PRKCSH: variants seen among roughly 807,000 people sequenced by gnomAD.
PRKCSH encodes the protein PRKCSH beta subunit of glucosidase II.
A neutral mutation model predicts 79.7 loss-of-function variants in PRKCSH; 42 were observed. The observed-to-expected ratio is 0.53, with a 90% CI of 0.41 to 0.68. PRKCSH has a LOEUF of 0.68. PRKCSH is among the 30% of genes least tolerant of loss of function. The pLI, the probability that PRKCSH is intolerant of heterozygous loss-of-function variation, is 0.00. For synonymous variants in PRKCSH, 325 were observed against 288.2 expected (o/e 1.13, Z -1.29); for missense variants, 686 against 709.0 (o/e 0.97, Z 0.37).
In PRKCSH at chr19:11,447,536, AGG is replaced by A; in HGVS notation, c.948_949del (p.Glu317GlyfsTer10). The A allele has an allele frequency of 4.4e-6, 7 of 1,591,472 alleles. No homozygotes were observed. The highest frequency in any genetic ancestry group is 1.1e-5 in the South Asian group (1 of 88,974). The stretch of plus-strand genomic sequence containing the variant: ...CCCTCGTCGCCCACAGAGGAGGAGG[AGG>A]AGGAGGAGGAGGAGGAGGAAGAAGA... On this transcript the variant is annotated frameshift_variant, in exon 11 of 18. Coordinates refer to ENST00000677123, the MANE Select transcript of PRKCSH (RefSeq NM_001289104.2). LOFTEE classifies it high-confidence loss of function. The surrounding 1 kb of genome is among the most constrained non-coding windows in gnomAD (Gnocchi z 5.6).
chr19:11,441,243 G>A lies in PRKCSH; in HGVS notation c.354G>A (p.Glu118=), dbSNP rs761941845. The A allele has an allele frequency of 1.2e-6, 2 of 1,613,930 alleles. No homozygotes were observed. Among genetic ancestry groups the A allele is most frequent in the Non-Finnish European group, 1.7e-6 (2 of 1,179,946 alleles). ...SGVICENTCK[E]KGRKERESLQ... ...CCTGTGTGTCTCCGCACCGCAGAGA[G>A]AAGGGCCGTAAGGAGAGAGAGTCCC... The change falls in exon 6 of 18, where the codon GAG becomes GAA. Residue 118 remains glutamate (E), a synonymous_variant. Coordinates refer to ENST00000677123, the MANE Select transcript of PRKCSH (RefSeq NM_001289104.2).
rs1970394331 is a variant in PRKCSH at position 11,447,843 on chromosome 19, G to A, written c.1126+54G>A. The A allele has an allele frequency of 4.0e-6, 6 of 1,494,102 alleles. No individual in the cohort carries two copies. The highest frequency in any genetic ancestry group is 5.4e-6 in the Non-Finnish European group (6 of 1,112,054). The allele number at this position is 1,494,102 out of a possible 1,614,324, so 92.6% of individuals were successfully genotyped here. On this transcript the variant is annotated intron_variant, in intron 12 of 17. Coordinates refer to ENST00000677123, the MANE Select transcript of PRKCSH (RefSeq NM_001289104.2). The surrounding 1 kb of genome is among the most constrained non-coding windows in gnomAD (Gnocchi z 5.6). ...GGGTGGGCCCAGCGTTTCCTGCCGT[G>A]GTGGCACAGGTCGAGGGAAGATCCT...
intron 5 of PRKCSH, 36 bp downstream of exon 5, chr19:11,438,160 C>A: frequency 6.2e-7 from 1 of 1,610,466 alleles, no homozygotes; most frequent in East Asian, 2.2e-5. Flanking sequence ...ATCACCCCAC[C>A]CCAAGACTTT....
intron 6 of PRKCSH, 35 bp from the exon 7 acceptor site, chr19:11,442,349 CAG>C: frequency 6.4e-7 from 1 of 1,557,902 alleles, no homozygotes; most frequent in Non-Finnish European, 8.7e-7. Context: ...GGAGGCAGAA[CAG>C]AGGAGAGCTG....
intron 2 of PRKCSH, 51 bp downstream of exon 2, chr19:11,436,247 C>T (rs1426581441): frequency 6.2e-7 from 1 of 1,601,222 alleles, no homozygotes; most frequent in Non-Finnish European, 8.5e-7. Context: ...GAGGGGCCAA[C>T]ATTGGGCCTT....
intron 5 of PRKCSH, among the ~76,000 whole-genome samples, chr19:11,439,178 C>A (rs1969926993): frequency 6.6e-6 from 1 of 152,098 alleles, no homozygotes; most frequent in Non-Finnish European, 1.5e-5. Context: ...AAGTGCTAAG[C>A]CGCCGCGCTT....
In PRKCSH at chr19:11,448,435, G is replaced by A; in HGVS notation, c.1197-105G>A. On this transcript the variant is annotated intron_variant, in intron 13 of 17. Coordinates refer to ENST00000677123, the MANE Select transcript of PRKCSH (RefSeq NM_001289104.2). The surrounding 1 kb of genome is among the most constrained non-coding windows in gnomAD (Gnocchi z 4.4). ...AGGGTCCCTGGGAGGTGGCAGGGAG[G>A]ACAGCCTGGGCACCATTGCTCAGCC... 1 of 1,452,582 alleles carries A rather than the reference G, an allele frequency of 6.9e-7. No individual in the cohort carries two copies. Among genetic ancestry groups the A allele is most frequent in the Non-Finnish European group, 9.6e-7 (1 of 1,040,032 alleles). The allele number at this position is 1,452,582 out of a possible 1,614,324, so 90.0% of individuals were successfully genotyped here.
chr19:11,444,568 G>A (rs1202542587), intron 7 of PRKCSH, among the ~76,000 whole-genome samples: 2 of 152,186 alleles, frequency 1.3e-5, no homozygotes, highest in Non-Finnish European at 2.9e-5. Context: ...TATTCTGTTT[G>A]TAGAGGACCA....
At position 11,447,152 on chromosome 19, in the gene PRKCSH, CGGTCCGAGG is replaced by C; in HGVS notation, c.842_849+1del. On this transcript the variant is annotated splice_donor_variant and coding_sequence_variant, in exon 10 of 18. Coordinates refer to ENST00000677123, the MANE Select transcript of PRKCSH (RefSeq NM_001289104.2). LOFTEE classifies it high-confidence loss of function. This position sits in a 1 kb window ranked among gnomAD's most constrained non-coding sequence, Gnocchi z 5.6. ...CTGGGCCGCCATCAGGGACAAGTAC[CGGTCCGAGG>C]TCAGTGGAGGAGAAGGGAGGGGACT... 1 of 1,613,924 alleles carries C rather than the reference CGGTCCGAGG, an allele frequency of 6.2e-7. No homozygotes were observed. Among genetic ancestry groups the C allele is most frequent in the Non-Finnish European group, 8.5e-7 (1 of 1,179,836 alleles).
intron 2 of PRKCSH, 64 bp downstream of exon 2, chr19:11,436,260 G>A: frequency 6.3e-7 from 1 of 1,597,498 alleles, no homozygotes; most frequent in Non-Finnish European, 8.6e-7. Context: ...TGGGCCTTAG[G>A]GATAGGCATT....
At position 11,447,036 on chromosome 19, in the gene PRKCSH, G is replaced by T. The variant is rs960765118; in HGVS notation, c.763-38G>T. On this transcript the variant is annotated intron_variant, in intron 9 of 17. Transcript: ENST00000677123. The surrounding 1 kb of genome is among the most constrained non-coding windows in gnomAD (Gnocchi z 5.6). Reference sequence around the variant, plus strand: ...GGGGTGGCCGAGATGGGGGACACGTGGTGGCCTAGATCTTGACACCACCCC... The same window carrying T: ...GGGGTGGCCGAGATGGGGGACACGTTGTGGCCTAGATCTTGACACCACCCC... The T allele has an allele frequency of 1.2e-6, 2 of 1,601,340 alleles. No homozygotes were observed.
intron 3 of PRKCSH, among the ~76,000 whole-genome samples, chr19:11,437,384 T>G (rs1969819384): frequency 1.5e-5 from 2 of 134,944 alleles, no homozygotes; most frequent in Admixed American, 7.6e-5. Flanking sequence ...GGAGTTTCAC[T>G]CTTATCGCCC....
rs376099064 is a variant in PRKCSH, at chr19:11,438,969, G to A, written c.350+845G>A. Among the ~76,000 whole-genome samples, 39 of 151,778 alleles carry A rather than the reference G, an allele frequency of 2.6e-4. No homozygotes were observed. In the South Asian group the frequency reaches 7.7e-3, roughly 30 times the overall value. On this transcript the variant is annotated intron_variant, in intron 5 of 17. Coordinates refer to ENST00000677123, the MANE Select transcript of PRKCSH (RefSeq NM_001289104.2). Reference sequence around the variant, plus strand: ...GTCGCCCAGGCTGGAGTGCAGTGGCGTGATCTTGGCTCACTGCAACCTCTG... The same window carrying A: ...GTCGCCCAGGCTGGAGTGCAGTGGCATGATCTTGGCTCACTGCAACCTCTG...
Position 11,442,400 on chromosome 19 carries a change from G to A in PRKCSH, c.483G>A (p.Glu161=). The A allele has an allele frequency of 1.2e-6, 2 of 1,605,726 alleles. No individual in the cohort carries two copies. The highest frequency in any genetic ancestry group is 1.7e-6 in the Non-Finnish European group (2 of 1,176,130). The change falls in exon 7 of 18, where the codon GAG becomes GAA. Residue 161 remains glutamate (E), a synonymous_variant. Coordinates refer to ENST00000677123, the MANE Select transcript of PRKCSH (RefSeq NM_001289104.2). ...AREEKQKKLI[E]LQAGKKSLED... is the part of the protein sequence containing the mutation. ...TGCCCACCCAGAAAAAGCTCATTGA[G>A]CTACAGGCTGGGAAGAAGTCTCTGG... is the stretch of plus-strand genomic sequence containing the variant.
At position 11,447,974 on chromosome 19, in the gene PRKCSH, G is replaced by T; in HGVS notation, c.1126+185G>T. On this transcript the variant is annotated intron_variant, in intron 12 of 17. Transcript: ENST00000677123. This position sits in a 1 kb window ranked among gnomAD's most constrained non-coding sequence, Gnocchi z 5.6. ...GTCCCACCCTCGCCAGCCCCAAGGGGCCCTTCTGCCTCCCCAAGGGCCGCA... is the reference window on the plus strand; with the variant it reads ...GTCCCACCCTCGCCAGCCCCAAGGGTCCCTTCTGCCTCCCCAAGGGCCGCA... The T allele has an allele frequency of 1.3e-6, 1 of 790,644 alleles. No homozygotes were observed. The highest frequency in any genetic ancestry group is 2.0e-6 in the Non-Finnish European group (1 of 504,510). 49.0% of individuals were successfully genotyped at this position (790,644 alleles called of 1,614,324 possible).
chr19:11,448,327 C>T lies in PRKCSH; in HGVS notation c.1196+36C>T, dbSNP rs1236351358. The T allele has an allele frequency of 6.4e-7, 1 of 1,558,796 alleles. No individual in the cohort carries two copies. The highest frequency in any genetic ancestry group is 8.7e-7 in the Non-Finnish European group (1 of 1,150,476). On this transcript the variant is annotated intron_variant, in intron 13 of 17. Coordinates refer to ENST00000677123, the MANE Select transcript of PRKCSH (RefSeq NM_001289104.2). This position sits in a 1 kb window ranked among gnomAD's most constrained non-coding sequence, Gnocchi z 4.4. The stretch of plus-strand genomic sequence containing the variant: ...CTGAGGAGCGGGGACACCTGTCCCA[C>T]AGCGACTGCTCCTTGACTCCCAGGG...
At position 11,448,740 on chromosome 19, in the gene PRKCSH, G is replaced by A. The variant is rs749998554; in HGVS notation, c.1286+111G>A. Reference sequence around the variant, plus strand: ...GGGGAACCATCTGCGGGTGGGGCCCGAGAGTGCTGCCTTCCATATTGAGGG... The same window carrying A: ...GGGGAACCATCTGCGGGTGGGGCCCAAGAGTGCTGCCTTCCATATTGAGGG... On this transcript the variant is annotated intron_variant, in intron 14 of 17. Coordinates refer to ENST00000677123, the MANE Select transcript of PRKCSH (RefSeq NM_001289104.2). The surrounding 1 kb of genome is among the most constrained non-coding windows in gnomAD (Gnocchi z 4.4). The A allele has an allele frequency of 1.4e-5, 19 of 1,343,758 alleles. No individual in the cohort carries two copies. Among genetic ancestry groups the A allele is most frequent in the Non-Finnish European group, 1.8e-5 (17 of 940,922 alleles). The allele number at this position is 1,343,758 out of a possible 1,614,324, so 83.2% of individuals were successfully genotyped here.
intron 1 of PRKCSH, 34 bp from the exon 2 acceptor site, chr19:11,436,007 C>G (rs1190047153): frequency 6.3e-6 from 9 of 1,437,610 alleles, no homozygotes; most frequent in African/African-American, 4.2e-5. Flanking sequence ...AAGTAGCCCT[C>G]TCCCACTGAC....
Position 11,448,365 on chromosome 19 carries a change from G to A in PRKCSH, c.1196+74G>A, listed in dbSNP as rs985964039. The A allele has an allele frequency of 5.9e-6, 9 of 1,533,230 alleles. No individual in the cohort carries two copies. The African/African-American group carries it at 1.2e-4, about 21-fold the overall frequency. The allele number at this position is 1,533,230 out of a possible 1,614,324, so 95.0% of individuals were successfully genotyped here. A position where few individuals can be genotyped will look rare whatever the true frequency, so the allele number is the denominator to read the frequency against. On this transcript the variant is annotated intron_variant, in intron 13 of 17. Coordinates refer to ENST00000677123, the MANE Select transcript of PRKCSH (RefSeq NM_001289104.2). The surrounding 1 kb of genome is among the most constrained non-coding windows in gnomAD (Gnocchi z 4.4). ...TTGACTCCCAGGGGAGCTGGTGATGGGGAATCACTGAGGCAACCACAGGCT... is the reference window on the plus strand; with the variant it reads ...TTGACTCCCAGGGGAGCTGGTGATGAGGAATCACTGAGGCAACCACAGGCT...
Sources: gnomAD v4.1 joint callset for allele counts (sites outside exome capture counted in the v4.1 genomes callset) on GRCh38, gnomAD v4.1.1 for gene constraint, Gnocchi (gnomAD v3.1) non-coding constraint, MANE v1.5 for transcripts, NCBI Gene and HGNC (gene_info 2026-07-23, HGNC 2026-07-21) for gene names.